The following ADAMTS18 variants were observed in gnomAD, a reference collection of about 807,000 sequenced individuals.
ADAMTS18 encodes A disintegrin and metalloproteinase with thrombospondin motifs 18.
Under a neutral mutation model 165.9 loss-of-function variants are expected in ADAMTS18, and 157 were observed. The observed-to-expected ratio is 0.95, with a 90% CI of 0.83 to 1.08. The LOEUF is 1.08. Among genes scored for constraint, ADAMTS18 ranks in the 50% least tolerant of loss-of-function variants. ADAMTS18 has a pLI of 0.00. For synonymous variants in ADAMTS18, 782 were observed against 578.2 expected (o/e 1.35, Z -5.06); for missense variants, 2,040 against 1,534.0 (o/e 1.33, Z -5.51).
chr16:77,426,315 T>C (rs2057672102), intron 3 of ADAMTS18, among the ~76,000 whole-genome samples: 1 of 152,074 alleles, frequency 6.6e-6, no homozygotes. Context: ...GTTTTTCATG[T>C]CACCACCAAA....
chr16:77,364,158 A>T (rs368709010), intron 5 of ADAMTS18, 30 bp downstream of exon 5: 1 of 1,613,478 alleles, frequency 6.2e-7, no homozygotes, highest in South Asian at 1.1e-5. Flanking sequence ...TTCTTTGGAG[A>T]GCCAGAAGGT....
chr16:77,390,844 G>A (rs544304985), intron 3 of ADAMTS18, among the ~76,000 whole-genome samples: 20 of 152,244 alleles, frequency 1.3e-4, no homozygotes, highest in African/African-American at 4.8e-4. Context: ...AATAAAATGA[G>A]AAATTCAGTG....
intron 3 of ADAMTS18, among the ~76,000 whole-genome samples, chr16:77,391,220 A>C (rs769790815): frequency 7.2e-5 from 11 of 152,146 alleles, no homozygotes; most frequent in Non-Finnish European, 1.2e-4. Flanking sequence ...ACTAAAAGAC[A>C]GGCCAGGCAT....
At chr16:77,427,760 C>A (rs186188654) in intron 3 of ADAMTS18, among the ~76,000 whole-genome samples, 22 of 152,256 alleles carry the variant, frequency 1.4e-4, no homozygotes, top group African/African-American at 4.8e-4. Context: ...TACCTCAATT[C>A]TGGAATAAAG....
intron 3 of ADAMTS18, among the ~76,000 whole-genome samples, chr16:77,406,131 A>G (rs2057390645): frequency 6.6e-6 from 1 of 152,202 alleles, no homozygotes; most frequent in East Asian, 1.9e-4. Context: ...AAAATTTACA[A>G]ATGAAATCTA....
chr16:77,297,047 A>G (rs6564424), intron 18 of ADAMTS18, among the ~76,000 whole-genome samples: 139,973 of 152,256 alleles, frequency 0.92, 65,251 homozygotes, highest in Non-Finnish European at 0.99. Context: ...CACAATCATG[A>G]CTCACTGGAG....
In ADAMTS18 at chr16:77,319,839, A is replaced by G; in HGVS notation, c.2532+10T>C. On this transcript the variant is annotated intron_variant, in intron 16 of 22. Coordinates refer to ENST00000282849, the MANE Select transcript of ADAMTS18 (RefSeq NM_199355.4). ...AAGCACTGAGAACTGAATACACAGAAGGGGCTTACTTCAAAGACCAGCGTC... is the reference window on the plus strand; with the variant it reads ...AAGCACTGAGAACTGAATACACAGAGGGGGCTTACTTCAAAGACCAGCGTC... 6.2e-7 allele frequency: 1 copy of G among 1,614,090 alleles called. No individual in the cohort carries two copies. Among genetic ancestry groups the G allele is most frequent in the Non-Finnish European group, 8.5e-7 (1 of 1,179,988 alleles).
chr16:77,316,346 C>T (rs540668625), intron 16 of ADAMTS18, among the ~76,000 whole-genome samples: 2 of 152,112 alleles, frequency 1.3e-5, no homozygotes, highest in East Asian at 3.9e-4. Flanking sequence ...CCTCTGCCTC[C>T]TGGGTTCAAG....
chr16:77,428,044 C>T (rs1430841532), intron 3 of ADAMTS18, among the ~76,000 whole-genome samples: 4 of 152,208 alleles, frequency 2.6e-5, no homozygotes, highest in African/African-American at 7.2e-5. Flanking sequence ...TTAAAGGTGA[C>T]ATCGCTTTCC....
At chr16:77,413,469 T>C (rs982933903) in intron 3 of ADAMTS18, among the ~76,000 whole-genome samples, 1 of 152,160 alleles carries the variant, frequency 6.6e-6, no homozygotes, top group Non-Finnish European at 1.5e-5. Context: ...TCCATTTGAG[T>C]AGAAATACAG....
chr16:77,429,359 C>T (rs534163651), intron 3 of ADAMTS18, among the ~76,000 whole-genome samples: 1 of 152,162 alleles, frequency 6.6e-6, no homozygotes, highest in African/African-American at 2.4e-5. Flanking sequence ...CCCACGTTCT[C>T]ACTTATAAGT....
At chr16:77,341,061 G>A (rs2056390138) in intron 11 of ADAMTS18, among the ~76,000 whole-genome samples, 1 of 152,048 alleles carries the variant, frequency 6.6e-6, no homozygotes, top group Non-Finnish European at 1.5e-5. Context: ...AATGCAACCT[G>A]CCCTCCCTCC....
intron 3 of ADAMTS18, among the ~76,000 whole-genome samples, chr16:77,406,070 A>G (rs1450162084): frequency 1.3e-5 from 2 of 152,210 alleles, no homozygotes; most frequent in Non-Finnish European, 2.9e-5. Flanking sequence ...AGGGTACAAC[A>G]GTAAAATTAC....
At chr16:77,293,050 A>G in intron 20 of ADAMTS18, 26 bp downstream of exon 20, 1 of 1,613,576 alleles carries the variant, frequency 6.2e-7, no homozygotes, top group Non-Finnish European at 8.5e-7. Context: ...CAATCTCCTG[A>G]CCCAGCAGTG....
chr16:77,377,466 G>A (rs769251417), intron 3 of ADAMTS18, among the ~76,000 whole-genome samples: 2 of 152,114 alleles, frequency 1.3e-5, no homozygotes, highest in South Asian at 2.1e-4. Flanking sequence ...TCTAATGAAC[G>A]AATAATGTTT....
At position 77,293,269 on chromosome 16, in the gene ADAMTS18, C is replaced by T; in HGVS notation, c.3007-11G>A. The T allele has an allele frequency of 6.2e-7, 1 of 1,607,758 alleles. No homozygotes were observed. The highest frequency in any genetic ancestry group is 8.5e-7 in the Non-Finnish European group (1 of 1,176,942). ...ACAGGTCTTGGAACACTTGAGAAGA[C>T]AAAAAAGTTCTATTTGCATTCCCAT... On this transcript the variant is annotated splice_polypyrimidine_tract_variant and intron_variant, in intron 19 of 22. Coordinates refer to ENST00000282849, the MANE Select transcript of ADAMTS18 (RefSeq NM_199355.4).
chr16:77,359,754 T>G (rs915149992), intron 7 of ADAMTS18, among the ~76,000 whole-genome samples: 1 of 152,212 alleles, frequency 6.6e-6, no homozygotes, highest in Non-Finnish European at 1.5e-5. Context: ...TGTCTGAGTT[T>G]ATCATTCAGG....
At chr16:77,297,163 A>G in intron 18 of ADAMTS18, 126 bp downstream of exon 18, 1 of 1,375,638 alleles carries the variant, frequency 7.3e-7, no homozygotes, top group East Asian at 2.4e-5. Context: ...TACTTTTTAA[A>G]GTATTGCGTC....
intron 3 of ADAMTS18, among the ~76,000 whole-genome samples, chr16:77,389,475 G>T (rs760885585): frequency 4.6e-5 from 7 of 152,094 alleles, no homozygotes; most frequent in Admixed American, 3.3e-4. Flanking sequence ...AGGTTAATTC[G>T]TTCAACAAAC....
Sources: gnomAD v4.1 joint callset for allele counts (sites outside exome capture counted in the v4.1 genomes callset) on GRCh38, gnomAD v4.1.1 for gene constraint, MANE v1.5 for transcripts, NCBI Gene and HGNC (gene_info 2026-07-23, HGNC 2026-07-21) for gene names.